The following EXOSC9 variants were observed in gnomAD, a reference collection of about 807,000 sequenced individuals.
The protein encoded by EXOSC9 is exosome component 9.
In EXOSC9, 38 loss-of-function variants were observed where a neutral mutation model predicts 56.5. The observed-to-expected ratio is 0.67, with a 90% CI of 0.52 to 0.88. EXOSC9 has a LOEUF of 0.88. Ranked by LOEUF, EXOSC9 falls within the 40% of genes least tolerant of loss-of-function variation. EXOSC9 has a pLI of 0.00. For synonymous variants in EXOSC9, 170 were observed against 170.8 expected (o/e 0.99, Z 0.04); for missense variants, 559 against 530.5 (o/e 1.05, Z -0.53).
Position 121,808,724 on chromosome 4 carries a change from C to G in EXOSC9, c.605+1102C>G, listed in dbSNP as rs547049257. Among the ~76,000 whole-genome samples the G allele has an allele frequency of 2.7e-5, 4 of 150,900 alleles. No homozygotes were observed. In the South Asian group the frequency reaches 8.4e-4, roughly 32 times the overall value. Reference sequence around the variant, plus strand: ...ACAAGGTCTCCCTCTGTCACCCAGGCTTGAGTGCAGTGGCGTGATCATGTT... The same window carrying G: ...ACAAGGTCTCCCTCTGTCACCCAGGGTTGAGTGCAGTGGCGTGATCATGTT... On this transcript the variant is annotated intron_variant, in intron 6 of 11. Transcript: ENST00000243498.
intron 10 of EXOSC9, 161 bp downstream of exon 10, chr4:121,814,208 CAT>C (rs1560628159): frequency 4.2e-6 from 2 of 473,080 alleles, no homozygotes; most frequent in Non-Finnish European, 7.5e-6. Context: ...GGATAAATAA[CAT>C]ACAGGATACT....
intron 4 of EXOSC9, 59 bp downstream of exon 4, chr4:121,803,076 G>A (rs1373177831): frequency 5.1e-6 from 6 of 1,166,638 alleles, no homozygotes; most frequent in Admixed American, 1.8e-5. Context: ...CATGGATCCC[G>A]GTATCTATCC....
rs954198293 is a variant in EXOSC9, at chr4:121,810,239, A to C, written c.738+140A>C. 30 of 730,274 alleles carry C rather than the reference A, an allele frequency of 4.1e-5. 3 individuals are homozygous for C. The Admixed American group carries it at 7.1e-4, about 17-fold the overall frequency. The allele number at this position is 730,274 out of a possible 1,614,324, so 45.2% of individuals were successfully genotyped here. A position where few individuals can be genotyped will look rare whatever the true frequency, so the allele number is the denominator to read the frequency against. On this transcript the variant is annotated intron_variant, in intron 7 of 11. Transcript: ENST00000243498. The stretch of plus-strand genomic sequence containing the variant: ...GTTAGAATCTGGTTTCAGTACTGTC[A>C]CTATTAAATACATTCTGTTGACTGG...
chr4:121,808,074 T>TA (rs1727078402), intron 6 of EXOSC9, among the ~76,000 whole-genome samples: 1 of 152,184 alleles, frequency 6.6e-6, no homozygotes. Flanking sequence ...GAAAAAAATC[T>TA]AATGTTCTTA....
rs748785283 is a variant in EXOSC9 at position 121,813,939 on chromosome 4, C to A, written c.1048C>A (p.Leu350Ile). Residue 350 changes from leucine (L) to isoleucine (I), a missense_variant, in exon 10 of 12, where the codon CTT becomes ATT. Transcript: ENST00000243498. ...GEGVENSWGD[L>I]EDSEKEDDEG... ...GGGAGTAGAAAACTCCTGGGGTGAT[C>A]TTGAAGACTCTGAGAAGGAAGATGA... The A allele has an allele frequency of 6.2e-7, 1 of 1,613,472 alleles. No individual in the cohort carries two copies. The highest frequency in any genetic ancestry group is 8.5e-7 in the Non-Finnish European group (1 of 1,179,516).
At chr4:121,808,781 G>T (rs1014337037) in intron 6 of EXOSC9, among the ~76,000 whole-genome samples, 1 of 150,694 alleles carries the variant, frequency 6.6e-6, no homozygotes, top group South Asian at 2.1e-4. Context: ...AGGCTCAAGT[G>T]ATTCTCCTGC....
At chr4:121,812,915 A>G (rs368906461) in intron 8 of EXOSC9, among the ~76,000 whole-genome samples, 5 of 152,350 alleles carry the variant, frequency 3.3e-5, no homozygotes, top group African/African-American at 1.2e-4. Context: ...TAAGCAAGAT[A>G]CATAACCCAG....
chr4:121,812,705 G>A (rs1038960914), intron 8 of EXOSC9, among the ~76,000 whole-genome samples: 8 of 151,990 alleles, frequency 5.3e-5, no homozygotes, highest in Admixed American at 1.3e-4. Context: ...TGGCCAGGCC[G>A]GTCTCAAACT....
chr4:121,814,070 C>A lies in EXOSC9; in HGVS notation c.1156+23C>A, dbSNP rs75746413. The A allele has an allele frequency of 6.2e-3, 9,306 of 1,489,376 alleles. 722 individuals are homozygous for A. The East Asian group carries it at 0.16, about 26-fold the overall frequency. The allele number at this position is 1,489,376 out of a possible 1,614,324, so 92.3% of individuals were successfully genotyped here. A position where few individuals can be genotyped will look rare whatever the true frequency, so the allele number is the denominator to read the frequency against. On this transcript the variant is annotated intron_variant, in intron 10 of 11. Coordinates refer to ENST00000243498, the MANE Select transcript of EXOSC9 (RefSeq NM_005033.3). ...AAGGTAGGTGACACTTTATGGCACA[C>A]TTACTATATATTACATACATATAGT...
Position 121,816,850 on chromosome 4 carries a change from C to T in EXOSC9, c.1314C>T (p.Ala438=). The T allele has an allele frequency of 6.3e-7, 1 of 1,584,072 alleles. No homozygotes were observed. The highest frequency in any genetic ancestry group is 8.6e-7 in the Non-Finnish European group (1 of 1,162,274). The part of the protein sequence containing the change: ...PVKRRKKKRA[A]N ...AAAGAAGAAAAAAGAAGAGAGCTGC[C>T]AATTAAAGCTAACAGTTGTATATCT... The change falls in exon 12 of 12, where the codon GCC becomes GCT. Residue 438 remains alanine, a synonymous_variant. Transcript: ENST00000243498.
intron 7 of EXOSC9, among the ~76,000 whole-genome samples, chr4:121,811,364 G>A (rs971053032): frequency 6.6e-6 from 1 of 152,150 alleles, no homozygotes; most frequent in African/African-American, 2.4e-5. Context: ...TTATACTGTT[G>A]TATAAGAAAG....
chr4:121,805,339 T>TTGAAAACC (rs2033464450), intron 5 of EXOSC9, among the ~76,000 whole-genome samples: 1 of 152,240 alleles, frequency 6.6e-6, no homozygotes, highest in Admixed American at 6.5e-5. Context: ...GGAGCACATT[T>TTGAAAACC]TGAAAACCAT....
At position 121,802,731 on chromosome 4, in the gene EXOSC9, A is replaced by G; in HGVS notation, c.219A>G (p.Glu73=). The change falls in exon 3 of 12, where the codon GAA becomes GAG. Residue 73 remains glutamate (E), a synonymous_variant. Coordinates refer to ENST00000243498, the MANE Select transcript of EXOSC9 (RefSeq NM_005033.3). ...CTCCAAAACTCAATCGGGCAACAGA[A>G]GGTATTCTTTTTTTTAACCTTGAAC... ...LVSPKLNRAT[E]GILFFNLELS... 24 of 1,614,062 alleles carry G rather than the reference A, an allele frequency of 1.5e-5. No individual in the cohort carries two copies. Among genetic ancestry groups the G allele is most frequent in the Non-Finnish European group, 2.0e-5 (24 of 1,179,962 alleles).
In EXOSC9 at chr4:121,816,388, A is replaced by G; in HGVS notation, c.1176A>G (p.Ser392=). ...IGSQDAPIIL[S]DSEEEEMIIL... ...ACAAAGATGCTCCCATAATACTCTC[A>G]GATAGTGAAGAAGAAGAAATGATCA... The change falls in exon 11 of 12, where the codon TCA becomes TCG. Residue 392 remains serine (S), a synonymous_variant. Transcript: ENST00000243498. The G allele has an allele frequency of 7.1e-6, 11 of 1,553,022 alleles. No homozygotes were observed. Among genetic ancestry groups the G allele is most frequent in the Non-Finnish European group, 8.7e-6 (10 of 1,146,494 alleles).
At chr4:121,810,940 A>G (rs1727193595) in intron 7 of EXOSC9, among the ~76,000 whole-genome samples, 1 of 152,216 alleles carries the variant, frequency 6.6e-6, no homozygotes, top group Non-Finnish European at 1.5e-5. Flanking sequence ...TTTTAGAACT[A>G]CAATTGGCAG....
rs781189655 is a variant in EXOSC9 at position 121,802,686 on chromosome 4, G to C, written c.174G>C (p.Gln58His). Reference sequence around the variant, plus strand: ...TTTATCTTTGCAGAGTTCTTGGACAGGTTTCCTGTGAACTTGTGTCTCCAA... The same window carrying C: ...TTTATCTTTGCAGAGTTCTTGGACACGTTTCCTGTGAACTTGTGTCTCCAA... ...VELGKTRVLGQVSCELVSPKL... is the reference protein window; with the variant it reads ...VELGKTRVLGHVSCELVSPKL... Residue 58 changes from glutamine to histidine, a missense_variant, in exon 3 of 12, where the codon CAG becomes CAC. Transcript: ENST00000243498. The C allele has an allele frequency of 6.2e-7, 1 of 1,613,928 alleles. No individual in the cohort carries two copies. The highest frequency in any genetic ancestry group is 1.3e-5 in the African/African-American group (1 of 74,922).
In EXOSC9 at chr4:121,813,829, C is replaced by T. The variant is rs1217052826; in HGVS notation, c.975-37C>T. Reference sequence around the variant, plus strand: ...TCATCTTCAACAGTTCATCAAATAGCAATATTTTTGTTACTCAGTTTTCTT... The same window carrying T: ...TCATCTTCAACAGTTCATCAAATAGTAATATTTTTGTTACTCAGTTTTCTT... On this transcript the variant is annotated intron_variant, in intron 9 of 11. Transcript: ENST00000243498. The T allele has an allele frequency of 1.9e-5, 27 of 1,416,784 alleles. 1 individual carries two copies. Among genetic ancestry groups the T allele is most frequent in the Non-Finnish European group, 2.7e-5 (27 of 1,012,048 alleles). 87.8% of individuals were successfully genotyped at this position (1,416,784 alleles called of 1,614,324 possible). A position where few individuals can be genotyped will look rare whatever the true frequency, so the allele number is the denominator to read the frequency against.
chr4:121,816,791 AAAC>A lies in EXOSC9; in HGVS notation c.1258_1260del (p.Gln420del). ...TCACAGAACACAGACCACCAGTGCA[AAAC>A]AAGAAAAAGCACCAAGTAAAAAGCC... On this transcript the variant is annotated inframe_deletion, in exon 12 of 12. Coordinates refer to ENST00000243498, the MANE Select transcript of EXOSC9 (RefSeq NM_005033.3). 2 of 1,600,482 alleles carry A rather than the reference AAAC, an allele frequency of 1.2e-6. No individual in the cohort carries two copies. The highest frequency in any genetic ancestry group is 2.3e-5 in the South Asian group (2 of 88,724).
rs1724363324 is a variant in EXOSC9, at chr4:121,813,961, A to G, written c.1070A>G (p.Asp357Gly). ...WGDLEDSEKE[D>G]DEGGGDQAII... ...GATCTTGAAGACTCTGAGAAGGAAGATGATGAAGGCGGTGGTGATCAAGCT... is the reference window on the plus strand; with the variant it reads ...GATCTTGAAGACTCTGAGAAGGAAGGTGATGAAGGCGGTGGTGATCAAGCT... Residue 357 changes from aspartate to glycine, a missense_variant, in exon 10 of 12, where the codon GAT (aspartate) becomes GGT (glycine). Coordinates refer to ENST00000243498, the MANE Select transcript of EXOSC9 (RefSeq NM_005033.3). The G allele has an allele frequency of 3.7e-6, 6 of 1,613,624 alleles. No individual in the cohort carries two copies. The highest frequency in any genetic ancestry group is 5.1e-6 in the Non-Finnish European group (6 of 1,179,710).
Sources: gnomAD v4.1 joint callset for allele counts (sites outside exome capture counted in the v4.1 genomes callset) on GRCh38, gnomAD v4.1.1 for gene constraint, MANE v1.5 for transcripts, NCBI Gene and HGNC (gene_info 2026-07-23, HGNC 2026-07-21) for gene names.